The following SMYD3 variants were observed in gnomAD, a reference collection of about 807,000 sequenced individuals.
The protein encoded by SMYD3 is SET and MYND domain containing 3.
In SMYD3, 36 loss-of-function variants were observed where a neutral mutation model predicts 57.7. That is an observed-to-expected ratio of 0.62 (90% CI 0.48 to 0.82). SMYD3 has a LOEUF of 0.82. Ranked by LOEUF, SMYD3 falls within the 40% of genes least tolerant of loss-of-function variation. The pLI, the probability that SMYD3 is intolerant of heterozygous loss-of-function variation, is 0.00. For missense variants in SMYD3, 515 were observed against 538.8 expected, an observed-to-expected ratio of 0.96 and a Z score of 0.44; for synonymous variants, 211 against 195.0, an observed-to-expected ratio of 1.08 and a Z score of -0.68.
At chr1:246,301,731 T>C (rs955131430) in intron 5 of SMYD3, among the ~76,000 whole-genome samples, 2 of 152,202 alleles carry the variant, frequency 1.3e-5, no homozygotes, top group African/African-American at 2.4e-5. Flanking sequence ...CTGATGTGTC[T>C]TTTTTATCTT....
chr1:245,926,480 A>C (rs958973951), intron 7 of SMYD3, among the ~76,000 whole-genome samples: 4 of 152,194 alleles, frequency 2.6e-5, no homozygotes, highest in Admixed American at 6.5e-5. Context: ...TCTGAGTCTG[A>C]AGGGCTTTAC....
intron 5 of SMYD3, among the ~76,000 whole-genome samples, chr1:246,269,532 T>C (rs866851574): frequency 2.3e-5 from 3 of 127,784 alleles, no homozygotes; most frequent in African/African-American, 7.8e-5. Context: ...TCTTTCTGTT[T>C]CTTTTTTTTT....
intron 5 of SMYD3, among the ~76,000 whole-genome samples, chr1:245,979,400 G>T (rs1426173530): frequency 6.6e-6 from 1 of 152,172 alleles, no homozygotes; most frequent in Admixed American, 6.5e-5. Context: ...ACTGTAGATA[G>T]AATGAGTTAG....
At chr1:246,277,263 C>G (rs983892744) in intron 5 of SMYD3, among the ~76,000 whole-genome samples, 1 of 151,102 alleles carries the variant, frequency 6.6e-6, no homozygotes, top group African/African-American at 2.4e-5. Context: ...ATATATAAAA[C>G]GCTCAACATC....
At chr1:246,480,165 A>G (rs1035946516) in intron 1 of SMYD3, among the ~76,000 whole-genome samples, 10 of 152,230 alleles carry the variant, frequency 6.6e-5, no homozygotes, top group African/African-American at 7.2e-5. Context: ...CAACCATTTT[A>G]CATTCACAGA....
At chr1:246,121,211 T>A (rs2061419389) in intron 5 of SMYD3, among the ~76,000 whole-genome samples, 1 of 130,038 alleles carries the variant, frequency 7.7e-6, no homozygotes, top group Non-Finnish European at 1.6e-5. Context: ...TCCTAATACA[T>A]AATTTCTCTT....
At chr1:246,395,440 T>C (rs1025934346) in intron 1 of SMYD3, among the ~76,000 whole-genome samples, 1 of 152,238 alleles carries the variant, frequency 6.6e-6, no homozygotes, top group African/African-American at 2.4e-5. Context: ...CTGAGACAAA[T>C]TGATTCTTTT....
chr1:245,987,391 C>T (rs1213356162), intron 5 of SMYD3, among the ~76,000 whole-genome samples: 1 of 152,174 alleles, frequency 6.6e-6, no homozygotes, highest in Non-Finnish European at 1.5e-5. Flanking sequence ...CTACCCACTA[C>T]ACACCATTAC....
intron 10 of SMYD3, among the ~76,000 whole-genome samples, chr1:245,812,343 G>A (rs2048520208): frequency 6.6e-6 from 1 of 152,154 alleles, no homozygotes; most frequent in African/African-American, 2.4e-5. Context: ...TGAATGTGCT[G>A]GCCCTCCTCA....
chr1:245,795,651 T>C (rs1276662627), intron 10 of SMYD3, among the ~76,000 whole-genome samples: 1 of 152,156 alleles, frequency 6.6e-6, no homozygotes, highest in Non-Finnish European at 1.5e-5. Context: ...GTTCCCTGAC[T>C]TTCTCTACAA....
At chr1:246,337,000 C>T (rs1324538067) in intron 2 of SMYD3, among the ~76,000 whole-genome samples, 1 of 152,156 alleles carries the variant, frequency 6.6e-6, no homozygotes, top group African/African-American at 2.4e-5. Context: ...TGCTAATCAA[C>T]ACACTGAACA....
intron 8 of SMYD3, among the ~76,000 whole-genome samples, chr1:245,901,057 A>G (rs2054151415): frequency 6.6e-6 from 1 of 152,234 alleles, no homozygotes; most frequent in Non-Finnish European, 1.5e-5. Flanking sequence ...GGACTCCTGC[A>G]GCATTAGAAT....
At chr1:246,331,918 A>G (rs572481748) in intron 3 of SMYD3, among the ~76,000 whole-genome samples, 22 of 152,306 alleles carry the variant, frequency 1.4e-4, no homozygotes, top group Admixed American at 1.4e-3. Flanking sequence ...TCCCCATATA[A>G]GACCACAAAC....
At chr1:246,282,340 A>AAAG (rs2064466973) in intron 5 of SMYD3, among the ~76,000 whole-genome samples, 1 of 120,706 alleles carries the variant, frequency 8.3e-6, no homozygotes, top group Non-Finnish European at 1.7e-5. Context: ...AAAAAAAAAA[A>AAAG]GCAAAAAAAT....
chr1:246,299,520 A>G (rs998763843), intron 5 of SMYD3, among the ~76,000 whole-genome samples: 2 of 152,184 alleles, frequency 1.3e-5, no homozygotes, highest in African/African-American at 4.8e-5. Context: ...TAAATCATTT[A>G]TCATGAAGAC....
intron 5 of SMYD3, among the ~76,000 whole-genome samples, chr1:246,235,894 ATTTAAT>A (rs2148462736): frequency 6.6e-6 from 1 of 152,282 alleles, no homozygotes; most frequent in South Asian, 2.1e-4. Flanking sequence ...TGAATTTTTT[ATTTAAT>A]TTAATGAACT....
At chr1:246,005,141 G>A (rs1213173075) in intron 5 of SMYD3, among the ~76,000 whole-genome samples, 1 of 152,160 alleles carries the variant, frequency 6.6e-6, no homozygotes, top group Non-Finnish European at 1.5e-5. Flanking sequence ...GAGCCACTGG[G>A]ACTGGCCTAA....
intron 1 of SMYD3, among the ~76,000 whole-genome samples, chr1:246,433,120 A>G (rs568519990): frequency 1.7e-4 from 26 of 152,214 alleles, no homozygotes; most frequent in African/African-American, 6.3e-4. Context: ...ACTTCAGTAA[A>G]GTTTCAGGAT....
chr1:245,980,803 AT>A (rs2058577008), intron 5 of SMYD3, among the ~76,000 whole-genome samples: 2 of 152,198 alleles, frequency 1.3e-5, no homozygotes, highest in Admixed American at 1.3e-4. Context: ...TATGATATGG[AT>A]TCTGTCTCAG....
Sources: allele counts gnomAD v4.1 joint callset (sites outside exome capture counted in the v4.1 genomes callset), GRCh38; gene constraint gnomAD v4.1.1; transcripts MANE v1.5; gene names NCBI Gene and HGNC (gene_info 2026-07-23, HGNC 2026-07-21).